The following ABCB1 variants were observed in gnomAD, a reference collection of about 807,000 sequenced individuals.
ABCB1 encodes ATP binding cassette subfamily B member 1.
In ABCB1, 69 loss-of-function variants were observed where a neutral mutation model predicts 142.0. The ratio of observed to expected loss-of-function variants is 0.49; its 90% confidence interval spans 0.40 to 0.59. The LOEUF (loss-of-function observed/expected upper bound fraction) is 0.59, where lower values mean the gene tolerates loss of function less well. ABCB1 is among the 20% of genes least tolerant of loss of function. The probability of loss-of-function intolerance (pLI) is 0.00; values close to 1 mark genes in which losing one functional copy is unlikely to be tolerated. For missense variants in ABCB1, 1,326 were observed against 1,554.7 expected, an observed-to-expected ratio of 0.85 and a Z score of 2.47; for synonymous variants, 532 against 539.2, an observed-to-expected ratio of 0.99 and a Z score of 0.18.
At chr7:87,677,558 A>G (rs1826500905) in intron 1 of ABCB1, among the ~76,000 whole-genome samples, 2 of 152,144 alleles carry the variant, frequency 1.3e-5, no homozygotes, top group Admixed American at 6.5e-5. Flanking sequence ...CAAAGGGTAC[A>G]AGCCTTCAGT....
intron 8 of ABCB1, among the ~76,000 whole-genome samples, chr7:87,561,026 G>A (rs955842210): frequency 2.0e-5 from 3 of 152,186 alleles, no homozygotes; most frequent in African/African-American, 7.2e-5. Context: ...TTCAGTCTTT[G>A]GAAACTATTT....
intron 3 of ABCB1, among the ~76,000 whole-genome samples, chr7:87,588,922 A>G (rs934126147): frequency 1.6e-4 from 24 of 152,030 alleles, no homozygotes; most frequent in Admixed American, 2.6e-4. Flanking sequence ...AGCTTTTTTT[A>G]TATAATTGTT....
At chr7:87,536,423 A>G (rs199573028) in intron 20 of ABCB1, 35 bp downstream of exon 20, 10 of 1,609,980 alleles carry the variant, frequency 6.2e-6, no homozygotes, top group African/African-American at 1.3e-5. Context: ...AAAATGGCCA[A>G]TTAAGACAAA....
At chr7:87,661,211 G>C (rs1824675701) in intron 1 of ABCB1, among the ~76,000 whole-genome samples, 1 of 151,716 alleles carries the variant, frequency 6.6e-6, no homozygotes, top group African/African-American at 2.4e-5. Context: ...AATCACATCA[G>C]CATAAATAAG....
intron 21 of ABCB1, chr7:87,521,950 A>G: frequency 2.5e-6 from 2 of 793,028 alleles, no homozygotes. Context: ...TAAGACTGTC[A>G]CTGAGAAATA....
intron 1 of ABCB1, among the ~76,000 whole-genome samples, chr7:87,675,653 CAAAAAAAAA>C (rs200136132): frequency 0.01 from 675 of 65,856 alleles, 9 homozygotes; most frequent in African/African-American, 0.036. Flanking sequence ...TATTCACATG[CAAAAAAAAA>C]AAAAAAAAAA....
intron 1 of ABCB1, among the ~76,000 whole-genome samples, chr7:87,637,931 A>G (rs1013598397): frequency 2.0e-5 from 3 of 151,902 alleles, no homozygotes; most frequent in Admixed American, 6.6e-5. Context: ...CCACTAATGC[A>G]GTGTTGCAGA....
chr7:87,624,963 A>G (rs1459539021), intron 1 of ABCB1, among the ~76,000 whole-genome samples: 2 of 152,220 alleles, frequency 1.3e-5, no homozygotes, highest in Admixed American at 1.3e-4. Context: ...AACATTTGAA[A>G]AATAACGTTA....
At chr7:87,565,489 C>A (rs1292378335) in intron 7 of ABCB1, 1 of 454,942 alleles carries the variant, frequency 2.2e-6, no homozygotes, top group Non-Finnish European at 4.4e-6. Flanking sequence ...GAGCTGAAGG[C>A]CAAGGATTTA....
intron 1 of ABCB1, among the ~76,000 whole-genome samples, chr7:87,628,114 T>C (rs1820784232): frequency 6.6e-6 from 1 of 152,158 alleles, no homozygotes; most frequent in South Asian, 2.1e-4. Flanking sequence ...AAAGCTTGGC[T>C]ACAGGCAAGG....
intron 1 of ABCB1, among the ~76,000 whole-genome samples, chr7:87,652,225 A>G (rs949549508): frequency 6.6e-6 from 1 of 152,090 alleles, no homozygotes; most frequent in Non-Finnish European, 1.5e-5. Flanking sequence ...CTGGTATATC[A>G]TTTAGCATAT....
intron 26 of ABCB1, among the ~76,000 whole-genome samples, chr7:87,507,453 T>C (rs1345860177): frequency 6.6e-6 from 1 of 152,140 alleles, no homozygotes; most frequent in Non-Finnish European, 1.5e-5. Flanking sequence ...TGTCTATACT[T>C]GAGAACCACT....
In ABCB1 at chr7:87,585,374, G is replaced by A. The variant is rs1312541396; in HGVS notation, c.286+138C>T. 3.7e-6 allele frequency: 3 copies of A among 819,792 alleles called. No homozygotes were observed. The African/African-American group carries it at 5.1e-5, about 14-fold the overall frequency. 50.8% of individuals were successfully genotyped at this position (819,792 alleles called of 1,614,324 possible). A position where few individuals can be genotyped will look rare whatever the true frequency, so the allele number is the denominator to read the frequency against. On this transcript the variant is annotated intron_variant, in intron 4 of 27. Transcript: ENST00000622132. ...ATCTTTTCTAACTCACTACAAATAT[G>A]AATTATAACTCAGACTGTCTGCCTC... is the stretch of plus-strand genomic sequence containing the variant.
intron 1 of ABCB1, among the ~76,000 whole-genome samples, chr7:87,664,650 A>AT (rs1825049960): frequency 6.6e-6 from 1 of 152,188 alleles, no homozygotes; most frequent in Non-Finnish European, 1.5e-5. Flanking sequence ...CAGAATGGAG[A>AT]TGATAGAGGT....
intron 1 of ABCB1, among the ~76,000 whole-genome samples, chr7:87,654,774 C>A (rs946720386): frequency 5.9e-5 from 9 of 151,832 alleles, no homozygotes; most frequent in African/African-American, 2.2e-4. Context: ...AGACAATTTA[C>A]AAAAAGGGAA....
At position 87,516,360 on chromosome 7, in the gene ABCB1, T is replaced by C; in HGVS notation, c.3084+149A>G. 5.2e-6 allele frequency: 5 copies of C among 961,098 alleles called. No individual in the cohort carries two copies. In the South Asian group the frequency reaches 6.9e-5, roughly 13 times the overall value. 59.5% of individuals were successfully genotyped at this position (961,098 alleles called of 1,614,324 possible). On this transcript the variant is annotated intron_variant, in intron 24 of 27. Transcript: ENST00000622132. ...AAAAGTACTGAATGTTGATGTATAT[T>C]ATTAGCAGTAATTGAAAGGAATCTA... is the stretch of plus-strand genomic sequence containing the variant.
intron 1 of ABCB1, among the ~76,000 whole-genome samples, chr7:87,693,024 T>C (rs1563138468): frequency 6.6e-6 from 1 of 152,182 alleles, no homozygotes; most frequent in Non-Finnish European, 1.5e-5. Context: ...CTTTTATTGG[T>C]TTTATAAAGG....
chr7:87,702,142 CAAA>C (rs146127516), intron 1 of ABCB1, among the ~76,000 whole-genome samples: 56 of 16,710 alleles, frequency 3.4e-3, no homozygotes, highest in African/African-American at 9.0e-3. Context: ...GACTCTGTCT[CAAA>C]AAAAAAAAAA....
chr7:87,639,153 CAAAAAAAA>C (rs71117547), intron 1 of ABCB1, among the ~76,000 whole-genome samples: 12 of 87,734 alleles, frequency 1.4e-4, no homozygotes, highest in Non-Finnish European at 2.5e-4. Context: ...GACTCCGTCT[CAAAAAAAA>C]AAAAAAAAAA....
Sources: gnomAD v4.1 joint callset for allele counts (sites outside exome capture counted in the v4.1 genomes callset) on GRCh38, gnomAD v4.1.1 for gene constraint, MANE v1.5 for transcripts, NCBI Gene and HGNC (gene_info 2026-07-23, HGNC 2026-07-21) for gene names.